Variants in ADAMTS17 observed in about 807,000 individuals in gnomAD.
ADAMTS17 encodes the protein A disintegrin and metalloproteinase with thrombospondin motifs 17.
A neutral mutation model predicts 141.5 loss-of-function variants in ADAMTS17; 113 were observed. The ratio of observed to expected loss-of-function variants is 0.80; its 90% confidence interval spans 0.69 to 0.93. The LOEUF is 0.93. ADAMTS17 is among the 40% of genes least tolerant of loss of function. The pLI is 0.00. For missense variants in ADAMTS17, 1,659 were observed against 1,517.9 expected (o/e 1.09, Z -1.54); for synonymous variants, 768 against 630.6 (o/e 1.22, Z -3.27).
chr15:100,252,553 A>T (rs1443894156), intron 7 of ADAMTS17, among the ~76,000 whole-genome samples: 4 of 152,194 alleles, frequency 2.6e-5, no homozygotes, highest in African/African-American at 9.7e-5. Flanking sequence ...CTGACCCGTG[A>T]ACCCCAGGAA....
intron 12 of ADAMTS17, among the ~76,000 whole-genome samples, chr15:100,125,917 G>A (rs2037708340): frequency 6.6e-6 from 1 of 152,102 alleles, no homozygotes. Context: ...AGCAGAGCCA[G>A]GAATATAAAG....
At chr15:100,040,679 CAA>C (rs113073664) in intron 18 of ADAMTS17, among the ~76,000 whole-genome samples, 13 of 102,630 alleles carry the variant, frequency 1.3e-4, no homozygotes, top group Non-Finnish European at 1.6e-4. Flanking sequence ...GTCAAATGAC[CAA>C]AAAAAAAAAA....
chr15:99,985,539 C>T lies in ADAMTS17; in HGVS notation c.2949+7509G>A, dbSNP rs147421003. On this transcript the variant is annotated intron_variant, in intron 20 of 21. Transcript: ENST00000268070. ...CTTTGGGGGAGCAGATTGTGATGGA[C>T]GTCATGGGCTGGGGAGAGAGCAGAC... is the stretch of plus-strand genomic sequence containing the variant. Among the ~76,000 whole-genome samples, 16 of 152,306 alleles carry T rather than the reference C, an allele frequency of 1.1e-4. 1 individual carries two copies. The East Asian group carries it at 1.7e-3, about 17-fold the overall frequency.
intron 3 of ADAMTS17, among the ~76,000 whole-genome samples, chr15:100,321,425 T>A (rs28685822): frequency 0.045 from 6,874 of 152,252 alleles, 493 homozygotes; most frequent in African/African-American, 0.16. Flanking sequence ...TGACATTTTT[T>A]AAAAAATTCA....
intron 17 of ADAMTS17, among the ~76,000 whole-genome samples, chr15:100,051,304 T>C (rs2032119554): frequency 6.6e-6 from 1 of 152,190 alleles, no homozygotes; most frequent in Admixed American, 6.5e-5. Context: ...GATGTAATCA[T>C]ACATCAGCCA....
At chr15:100,240,857 G>A (rs919480297) in intron 7 of ADAMTS17, among the ~76,000 whole-genome samples, 1 of 151,930 alleles carries the variant, frequency 6.6e-6, no homozygotes, top group Non-Finnish European at 1.5e-5. Context: ...ACAGAGTCTC[G>A]CTCTGTTGCC....
At chr15:100,271,807 A>C (rs1029071273) in intron 4 of ADAMTS17, among the ~76,000 whole-genome samples, 2 of 152,154 alleles carry the variant, frequency 1.3e-5, no homozygotes, top group African/African-American at 4.8e-5. Flanking sequence ...ATCACTGCCA[A>C]ATCAAATCTC....
At chr15:100,024,987 G>A (rs866089592) in intron 18 of ADAMTS17, among the ~76,000 whole-genome samples, 13 of 152,166 alleles carry the variant, frequency 8.5e-5, no homozygotes, top group Non-Finnish European at 1.8e-4. Context: ...TTAGATAAGC[G>A]GGGAGCTCCT....
rs144297270 is a variant in ADAMTS17, at chr15:100,017,804, A to T, written c.2592-20215T>A. ...GCTGGCTTGTTCTTGCAGGTTCTAGATTATCACCATCATCACACAGACTTC... is the reference window on the plus strand; with the variant it reads ...GCTGGCTTGTTCTTGCAGGTTCTAGTTTATCACCATCATCACACAGACTTC... On this transcript the variant is annotated intron_variant, in intron 18 of 21. Transcript: ENST00000268070. Among the ~76,000 whole-genome samples, 1,102 of 152,226 alleles carry T rather than the reference A, an allele frequency of 7.2e-3. 5 individuals carry two copies. The highest frequency in any genetic ancestry group is 0.012 in the Non-Finnish European group (783 of 68,024).
intron 18 of ADAMTS17, among the ~76,000 whole-genome samples, chr15:100,023,353 C>G (rs1244765087): frequency 6.6e-6 from 1 of 151,886 alleles, no homozygotes; most frequent in Non-Finnish European, 1.5e-5. Flanking sequence ...AGGTGCCTGC[C>G]ACCACGCAGG....
chr15:100,278,650 T>A (rs1330215705), intron 4 of ADAMTS17, among the ~76,000 whole-genome samples: 1 of 152,132 alleles, frequency 6.6e-6, no homozygotes, highest in African/African-American at 2.4e-5. Context: ...AGAGGGAGTT[T>A]CCTGCAGAGA....
chr15:100,286,483 A>C (rs1352171104), intron 3 of ADAMTS17, among the ~76,000 whole-genome samples: 1 of 152,170 alleles, frequency 6.6e-6, no homozygotes, highest in African/African-American at 2.4e-5. Flanking sequence ...TCAGGTTACT[A>C]ACTGCAGGGG....
At chr15:100,333,443 G>T (rs191307256) in intron 2 of ADAMTS17, among the ~76,000 whole-genome samples, 5 of 152,166 alleles carry the variant, frequency 3.3e-5, no homozygotes, top group African/African-American at 1.2e-4. Context: ...CAAGTGAATC[G>T]GAATCTCTGG....
At chr15:100,175,430 C>T (rs1446215127) in intron 8 of ADAMTS17, among the ~76,000 whole-genome samples, 1 of 152,140 alleles carries the variant, frequency 6.6e-6, no homozygotes. Context: ...AGCGCTCATG[C>T]ATCTACAAAC....
intron 10 of ADAMTS17, among the ~76,000 whole-genome samples, chr15:100,141,631 C>T (rs1412286211): frequency 1.3e-5 from 2 of 152,154 alleles, no homozygotes; most frequent in African/African-American, 4.8e-5. Context: ...TTCCATGTTC[C>T]TGAGGGCTAC....
At chr15:100,112,696 C>T (rs1197140571) in intron 13 of ADAMTS17, among the ~76,000 whole-genome samples, 1 of 152,088 alleles carries the variant, frequency 6.6e-6, no homozygotes, top group Non-Finnish European at 1.5e-5. Flanking sequence ...AAGCTTGGAA[C>T]GTGCCACCTG....
chr15:100,148,904 G>C (rs1446110321), intron 10 of ADAMTS17, among the ~76,000 whole-genome samples: 3 of 151,996 alleles, frequency 2.0e-5, no homozygotes, highest in Non-Finnish European at 4.4e-5. Context: ...GCAGGGAGGA[G>C]GAAACAGCCA....
At chr15:100,309,281 C>T (rs1012382271) in intron 3 of ADAMTS17, among the ~76,000 whole-genome samples, 10 of 152,158 alleles carry the variant, frequency 6.6e-5, no homozygotes, top group African/African-American at 1.7e-4. Flanking sequence ...GAGGATCGCT[C>T]GAGGAAGGTC....
In ADAMTS17 at chr15:100,140,482, T is replaced by C. The variant is rs112997851; in HGVS notation, c.1474-7167A>G. On this transcript the variant is annotated intron_variant, in intron 10 of 21. Transcript: ENST00000268070. ...ACACACACACACAGACACACACACATACATACATATATATATATATATATA... is the reference window on the plus strand; with the variant it reads ...ACACACACACACAGACACACACACACACATACATATATATATATATATATA... 8.1e-4 allele frequency among the ~76,000 whole-genome samples: 55 copies of C among 67,914 alleles called. 2 individuals carry two copies. Among genetic ancestry groups the C allele is most frequent in the South Asian group, 1.8e-3 (3 of 1,672 alleles). The allele number at this position is 67,914 out of a possible 152,430, so 44.6% of individuals were successfully genotyped here.
Sources: allele counts gnomAD v4.1 joint callset (sites outside exome capture counted in the v4.1 genomes callset), GRCh38; gene constraint gnomAD v4.1.1; transcripts MANE v1.5; gene names NCBI Gene and HGNC (gene_info 2026-07-23, HGNC 2026-07-21).